RCL1: variants seen among roughly 807,000 people sequenced by gnomAD.
The protein encoded by RCL1 is RNA terminal phosphate cyclase like 1, also known as RNA 3'-terminal phosphate cyclase-like protein.
Under a neutral mutation model 42.4 loss-of-function variants are expected in RCL1, and 24 were observed. The observed-to-expected ratio is 0.57, with a 90% CI of 0.41 to 0.80. RCL1 has a LOEUF of 0.80. Among genes scored for constraint, RCL1 ranks in the 30% least tolerant of loss-of-function variants. The pLI is 0.00. For synonymous variants in RCL1, 228 were observed against 177.3 expected, an observed-to-expected ratio of 1.29 and a Z score of -2.27; for missense variants, 578 against 467.9, an observed-to-expected ratio of 1.24 and a Z score of -2.17.
intron 1 of RCL1, among the ~76,000 whole-genome samples, chr9:4,811,366 A>G (rs193119501): frequency 2.0e-5 from 3 of 151,666 alleles, no homozygotes; most frequent in Non-Finnish European, 4.4e-5. Context: ...ATTAGAACTT[A>G]TTTCTCTTAT....
At chr9:4,806,483 A>T (rs933926080) in intron 1 of RCL1, among the ~76,000 whole-genome samples, 1 of 151,878 alleles carries the variant, frequency 6.6e-6, no homozygotes, top group Non-Finnish European at 1.5e-5. Context: ...AGTTGATGTG[A>T]CCATGTGATT....
At chr9:4,842,871 C>G (rs1218081296) in intron 6 of RCL1, among the ~76,000 whole-genome samples, 1 of 152,222 alleles carries the variant, frequency 6.6e-6, no homozygotes, top group African/African-American at 2.4e-5. Flanking sequence ...CTCGCTTTAT[C>G]AGAAAGTGTC....
At chr9:4,850,309 C>T (rs766953168) in intron 8 of RCL1, 2 of 534,074 alleles carry the variant, frequency 3.7e-6, no homozygotes, top group South Asian at 1.4e-5. Flanking sequence ...TGTCCTTTTT[C>T]GGTTATCATG....
chr9:4,840,885 G>A (rs1000740156), intron 5 of RCL1, among the ~76,000 whole-genome samples: 3 of 152,044 alleles, frequency 2.0e-5, no homozygotes, highest in African/African-American at 7.2e-5. Context: ...GTGCTTCAGA[G>A]GGAGCCTGGA....
intron 1 of RCL1, among the ~76,000 whole-genome samples, chr9:4,820,576 G>A (rs940994358): frequency 5.3e-5 from 8 of 152,200 alleles, no homozygotes; most frequent in Non-Finnish European, 7.3e-5. Flanking sequence ...TAAAGTCATG[G>A]TTTCTTCCTT....
intron 8 of RCL1, among the ~76,000 whole-genome samples, chr9:4,851,883 C>CTTTTTTTT (rs1374859963): frequency 6.7e-5 from 2 of 29,714 alleles, no homozygotes; most frequent in Non-Finnish European, 6.3e-5. Context: ...ATGTGTGAAA[C>CTTTTTTTT]TCTTTTTTTT....
At chr9:4,846,922 C>G (rs1211399283) in intron 7 of RCL1, among the ~76,000 whole-genome samples, 1 of 105,446 alleles carries the variant, frequency 9.5e-6, no homozygotes, top group East Asian at 2.4e-4. Context: ...GAGTCTCACT[C>G]TTTCCCAGGC....
intron 3 of RCL1, among the ~76,000 whole-genome samples, chr9:4,831,894 A>G (rs1010505169): frequency 6.6e-6 from 1 of 152,178 alleles, no homozygotes; most frequent in Admixed American, 6.5e-5. Context: ...TGCCTTAGAG[A>G]TAAGGAAATT....
intron 1 of RCL1, among the ~76,000 whole-genome samples, chr9:4,821,449 C>A (rs182877916): frequency 6.6e-6 from 1 of 152,108 alleles, no homozygotes; most frequent in Non-Finnish European, 1.5e-5. Context: ...TAATCCATTT[C>A]GTTTTGCTAT....
At chr9:4,837,984 C>A (rs1243776791) in intron 5 of RCL1, among the ~76,000 whole-genome samples, 1 of 152,240 alleles carries the variant, frequency 6.6e-6, no homozygotes, top group Non-Finnish European at 1.5e-5. Context: ...CACTGCTCTG[C>A]AGAGCTGCCC....
rs779629884 is a variant in RCL1, at chr9:4,826,917, A to G, written c.268A>G (p.Ser90Gly). ...TGGTGGATCTGTGGAACATGACTGT[A>G]GCGTCCTTCGTGGCATTGGGTATTA... ...LYGGSVEHDC[S>G]VLRGIGYYLE... The change falls in exon 3 of 9, where the codon AGC (serine) becomes GGC (glycine). Residue 90 changes from serine to glycine, a missense_variant. Transcript: ENST00000381750. 3.1e-6 allele frequency: 5 copies of G among 1,613,956 alleles called. No individual in the cohort carries two copies. The African/African-American group carries it at 4.0e-5, about 13-fold the overall frequency.
chr9:4,850,492 T>TC lies in RCL1; in HGVS notation c.971+943dup, dbSNP rs1244669352. On this transcript the variant is annotated intron_variant, in intron 8 of 8. Transcript: ENST00000381750. ...AAATTCTTATGGAGGCTTTTTTTTT[T>TC]CTTTTTTTTTTTTTTTTTGGAATTC... is the stretch of plus-strand genomic sequence containing the variant. 4 of 191,984 alleles carry TC rather than the reference T, an allele frequency of 2.1e-5. No homozygotes were observed. The East Asian group carries it at 4.0e-4, about 19-fold the overall frequency. 11.9% of individuals were successfully genotyped at this position (191,984 alleles called of 1,614,324 possible).
chr9:4,859,526 C>T (rs1818086238), intron 8 of RCL1, among the ~76,000 whole-genome samples: 1 of 152,080 alleles, frequency 6.6e-6, no homozygotes, highest in African/African-American at 2.4e-5. Flanking sequence ...GCACTTGATA[C>T]ATATTAAGTA....
chr9:4,822,684 A>G lies in RCL1; in HGVS notation c.137-864A>G, dbSNP rs571646531. 2.0e-5 allele frequency among the ~76,000 whole-genome samples: 3 copies of G among 152,088 alleles called. No homozygotes were observed. In the East Asian group the frequency reaches 5.8e-4, roughly 29 times the overall value. On this transcript the variant is annotated intron_variant, in intron 1 of 8. Coordinates refer to ENST00000381750, the MANE Select transcript of RCL1 (RefSeq NM_005772.5). ...ATAAAATAAGAAATTAGCTGGGTGTAGTGGTGCACGTCTGTGGTCCCAGCT... is the reference window on the plus strand; with the variant it reads ...ATAAAATAAGAAATTAGCTGGGTGTGGTGGTGCACGTCTGTGGTCCCAGCT...
At chr9:4,848,012 T>C (rs1817581233) in intron 7 of RCL1, among the ~76,000 whole-genome samples, 2 of 152,236 alleles carry the variant, frequency 1.3e-5, no homozygotes, top group South Asian at 4.1e-4. Flanking sequence ...TCCTCCATGA[T>C]GTCCTGTACA....
chr9:4,822,590 G>A (rs887675030), intron 1 of RCL1, among the ~76,000 whole-genome samples: 4 of 152,142 alleles, frequency 2.6e-5, no homozygotes, highest in Admixed American at 6.5e-5. Flanking sequence ...GGCTGAGGTG[G>A]GAGGATTGTT....
At position 4,793,245 on chromosome 9, in the gene RCL1, G is replaced by C; in HGVS notation, c.136+18G>C. On this transcript the variant is annotated intron_variant, in intron 1 of 8. Coordinates refer to ENST00000381750, the MANE Select transcript of RCL1 (RefSeq NM_005772.5). ...CCTCCGAGGTAACTTGGTGTGGGCG[G>C]CGCGCGGCGTGGGCGCGGGGGCTGA... 6.3e-7 allele frequency: 1 copy of C among 1,578,062 alleles called. No individual in the cohort carries two copies.
intron 5 of RCL1, among the ~76,000 whole-genome samples, chr9:4,836,217 G>T (rs576730668): frequency 3.3e-5 from 5 of 152,226 alleles, no homozygotes; most frequent in Non-Finnish European, 5.9e-5. Flanking sequence ...GCAGTTGGCA[G>T]CCTAGAGGGA....
chr9:4,844,422 A>T, intron 6 of RCL1, 103 bp from the exon 7 acceptor site: 1 of 842,380 alleles, frequency 1.2e-6, no homozygotes, highest in Non-Finnish European at 1.9e-6. Context: ...GCCTTTGAAC[A>T]CAGTGCCGTC....
Sources: allele counts gnomAD v4.1 joint callset (sites outside exome capture counted in the v4.1 genomes callset), GRCh38; gene constraint gnomAD v4.1.1; transcripts MANE v1.5; gene names NCBI Gene and HGNC (gene_info 2026-07-23, HGNC 2026-07-21).